The following THBS4 variants were observed in gnomAD, a reference collection of about 807,000 sequenced individuals.
THBS4 encodes thrombospondin-4.
A neutral mutation model predicts 115.7 loss-of-function variants in THBS4; 90 were observed. The ratio of observed to expected loss-of-function variants is 0.78; its 90% CI spans 0.66 to 0.93. The LOEUF (loss-of-function observed/expected upper bound fraction) is 0.93. Ranked by LOEUF, THBS4 falls within the 40% of genes least tolerant of loss-of-function variation. THBS4 has a pLI of 0.00. For missense variants in THBS4, 1,087 were observed against 1,232.7 expected (o/e 0.88, Z 1.77); for synonymous variants, 460 against 479.3 (o/e 0.96, Z 0.53).
chr5:79,994,580 G>A (rs969955963), intron 1 of THBS4, among the ~76,000 whole-genome samples: 7 of 152,178 alleles, frequency 4.6e-5, no homozygotes, highest in Non-Finnish European at 8.8e-5. Flanking sequence ...TTGGGAGGGA[G>A]GATCACTTGA....
At chr5:80,036,049 C>G (rs1400242913) in intron 1 of THBS4, 1 of 993,212 alleles carries the variant, frequency 1.0e-6, no homozygotes, top group African/African-American at 1.7e-5. Context: ...AGAGTCTGCT[C>G]TTGACATCCC....
intron 5 of THBS4, 126 bp downstream of exon 5, chr5:80,058,916 G>A (rs552076972): frequency 1.1e-5 from 9 of 845,068 alleles, no homozygotes; most frequent in Middle Eastern, 3.3e-4. Context: ...GGGGGCCCAC[G>A]CAGCCCCGCA....
intron 2 of THBS4, among the ~76,000 whole-genome samples, chr5:80,028,838 A>G (rs1832530287): frequency 6.6e-6 from 1 of 151,974 alleles, no homozygotes. Context: ...GGCTCTTAAT[A>G]CTAGTGTTCC....
At chr5:80,078,746 A>G in intron 17 of THBS4, 175 bp from the exon 18 acceptor site, 1 of 553,954 alleles carries the variant, frequency 1.8e-6, no homozygotes, top group Non-Finnish European at 3.0e-6. Context: ...CTTTACAAGC[A>G]CATGCTTTCT....
At chr5:80,072,194 G>A in intron 13 of THBS4, 84 bp from the exon 14 acceptor site, 1 of 1,265,252 alleles carries the variant, frequency 7.9e-7, no homozygotes, top group Non-Finnish European at 1.2e-6. Flanking sequence ...AGGCAGAAGT[G>A]ACTCACCATG....
intron 2 of THBS4, among the ~76,000 whole-genome samples, chr5:80,004,037 A>G (rs1356606218): frequency 6.6e-6 from 1 of 152,208 alleles, no homozygotes; most frequent in Non-Finnish European, 1.5e-5. Context: ...AGAGAGGTGA[A>G]TGAAGATAAA....
At chr5:80,074,520 G>GTAAT (rs1561326877) in intron 15 of THBS4, 2 of 152,204 alleles carry the variant, frequency 1.3e-5, no homozygotes, top group African/African-American at 4.8e-5. Flanking sequence ...AAAAAAAGAT[G>GTAAT]CAATTTCTCT....
chr5:80,071,403 C>A (rs1009650473), intron 13 of THBS4, among the ~76,000 whole-genome samples: 4 of 152,162 alleles, frequency 2.6e-5, no homozygotes, highest in African/African-American at 9.7e-5. Context: ...GACTCTGTAT[C>A]ATTGCCAGAA....
chr5:80,004,403 T>C (rs937690384), intron 2 of THBS4, among the ~76,000 whole-genome samples: 1 of 152,236 alleles, frequency 6.6e-6, no homozygotes, highest in African/African-American at 2.4e-5. Context: ...AACATCTCTC[T>C]GTGTTCATTC....
At chr5:80,006,380 C>T (rs138986354) in intron 2 of THBS4, among the ~76,000 whole-genome samples, 37 of 152,252 alleles carry the variant, frequency 2.4e-4, no homozygotes, top group Non-Finnish European at 5.0e-4. Flanking sequence ...CAGGGATTTC[C>T]GCTTTTGTGT....
chr5:80,006,535 C>A (rs1362053432), intron 2 of THBS4, among the ~76,000 whole-genome samples: 1 of 152,180 alleles, frequency 6.6e-6, no homozygotes, highest in South Asian at 2.1e-4. Flanking sequence ...CCATCAGCAG[C>A]GTGAAAATGG....
At chr5:80,002,491 A>C (rs1450029180) in intron 2 of THBS4, among the ~76,000 whole-genome samples, 1 of 107,644 alleles carries the variant, frequency 9.3e-6, no homozygotes, top group African/African-American at 4.6e-5. Flanking sequence ...GCTGCCTCGG[A>C]AAAGCTGGGA....
At chr5:79,993,556 G>A (rs1831731886) in intron 1 of THBS4, among the ~76,000 whole-genome samples, 1 of 152,140 alleles carries the variant, frequency 6.6e-6, no homozygotes, top group South Asian at 2.1e-4. Context: ...TGTGTGGGAT[G>A]GCCTGAATCA....
intron 19 of THBS4, 89 bp downstream of exon 19, chr5:80,079,347 T>A: frequency 7.2e-7 from 1 of 1,387,816 alleles, no homozygotes; most frequent in Non-Finnish European, 9.6e-7. Flanking sequence ...GGTACTTAGT[T>A]AATCTAAAAA....
chr5:79,992,929 C>G (rs1486814307), intron 1 of THBS4, among the ~76,000 whole-genome samples: 1 of 152,190 alleles, frequency 6.6e-6, no homozygotes, highest in Non-Finnish European at 1.5e-5. Flanking sequence ...TTAGAAATGT[C>G]AAACCATAGA....
At chr5:80,081,695 G>T (rs142603909) in intron 20 of THBS4, among the ~76,000 whole-genome samples, 155 of 152,300 alleles carry the variant, frequency 1.0e-3, no homozygotes, top group African/African-American at 3.6e-3. Context: ...ATTAAAATTT[G>T]TGCAAAATAT....
intron 1 of THBS4, among the ~76,000 whole-genome samples, chr5:79,994,495 G>T (rs889995348): frequency 6.6e-6 from 1 of 152,100 alleles, no homozygotes; most frequent in Non-Finnish European, 1.5e-5. Flanking sequence ...AATTCATTAA[G>T]CAGCTTCTGT....
At chr5:80,030,553 G>A (rs1329925718), upstream of THBS4, among the ~76,000 whole-genome samples, 1 of 152,066 alleles carries the variant, frequency 6.6e-6, no homozygotes, top group Non-Finnish European at 1.5e-5. Context: ...ATTTTTAGTA[G>A]AGACGGGGTT....
intron 2 of THBS4, among the ~76,000 whole-genome samples, chr5:80,022,293 C>G (rs1832393411): frequency 6.6e-6 from 1 of 152,136 alleles, no homozygotes; most frequent in Non-Finnish European, 1.5e-5. Context: ...ATTTCTACCC[C>G]AAGTTTTTAG....
Sources: gnomAD v4.1 joint callset for allele counts (sites outside exome capture counted in the v4.1 genomes callset) on GRCh38, gnomAD v4.1.1 for gene constraint, MANE v1.5 for transcripts, NCBI Gene and HGNC (gene_info 2026-07-23, HGNC 2026-07-21) for gene names.